SLC4A10: variants seen among roughly 807,000 people sequenced by gnomAD.
SLC4A10 encodes the protein solute carrier family 4 member 10.
A neutral mutation model predicts 137.7 loss-of-function variants in SLC4A10; 42 were observed. The observed-to-expected ratio is 0.30, with a 90% CI of 0.24 to 0.39. The LOEUF is 0.39. Among genes scored for constraint, SLC4A10 ranks in the 10% least tolerant of loss-of-function variants. The pLI, the probability that SLC4A10 is intolerant of heterozygous loss-of-function variation, is 1.00. For missense variants in SLC4A10, 925 were observed against 1,355.0 expected (o/e 0.68, Z 4.98); for synonymous variants, 474 against 464.1 (o/e 1.02, Z -0.27).
At chr2:161,939,109 C>G (rs1692169256) in intron 15 of SLC4A10, among the ~76,000 whole-genome samples, 1 of 152,064 alleles carries the variant, frequency 6.6e-6, no homozygotes, top group Non-Finnish European at 1.5e-5. Context: ...ACCAGTCTCG[C>G]TCTGTCGCCA....
intron 10 of SLC4A10, among the ~76,000 whole-genome samples, chr2:161,885,164 C>T (rs1274669425): frequency 2.0e-5 from 3 of 151,056 alleles, no homozygotes; most frequent in South Asian, 4.2e-4. Context: ...GGTGATGGAG[C>T]GAGACTCTGT....
At chr2:161,684,637 C>G (rs1490243062) in intron 1 of SLC4A10, among the ~76,000 whole-genome samples, 5 of 152,138 alleles carry the variant, frequency 3.3e-5, no homozygotes, top group Admixed American at 1.3e-4. Flanking sequence ...TTTTGTCTCA[C>G]TTTCCTCAAC....
chr2:161,865,489 T>C (rs549172576), intron 6 of SLC4A10, among the ~76,000 whole-genome samples: 6 of 152,038 alleles, frequency 3.9e-5, no homozygotes, highest in Non-Finnish European at 8.8e-5. Context: ...CAATAAAAAC[T>C]TGGAAACATT....
At chr2:161,762,882 T>C (rs1033815037) in intron 1 of SLC4A10, among the ~76,000 whole-genome samples, 36 of 152,162 alleles carry the variant, frequency 2.4e-4, no homozygotes, top group African/African-American at 8.2e-4. Flanking sequence ...TCTTAGGTCA[T>C]GTTTATAAAA....
chr2:161,642,762 C>T (rs546594499), intron 1 of SLC4A10, among the ~76,000 whole-genome samples: 11 of 151,986 alleles, frequency 7.2e-5, no homozygotes, highest in South Asian at 2.1e-4. Flanking sequence ...CTGCTTTGAT[C>T]GTAATATCTT....
At chr2:161,881,168 G>A (rs1161417740) in intron 9 of SLC4A10, among the ~76,000 whole-genome samples, 2 of 151,940 alleles carry the variant, frequency 1.3e-5, no homozygotes, top group African/African-American at 4.8e-5. Flanking sequence ...AAGACAAAAG[G>A]CATCCTATTA....
intron 1 of SLC4A10, among the ~76,000 whole-genome samples, chr2:161,726,642 C>A (rs2046254202): frequency 6.6e-6 from 1 of 152,214 alleles, no homozygotes; most frequent in African/African-American, 2.4e-5. Context: ...GGTGCGGTGG[C>A]TCACACCTGT....
chr2:161,749,392 A>G (rs751367698), intron 1 of SLC4A10, among the ~76,000 whole-genome samples: 10 of 152,010 alleles, frequency 6.6e-5, no homozygotes, highest in Non-Finnish European at 1.5e-4. Context: ...GTTGATTATG[A>G]TGTTAATTGT....
At chr2:161,702,376 A>T (rs2043215535) in intron 1 of SLC4A10, among the ~76,000 whole-genome samples, 1 of 151,930 alleles carries the variant, frequency 6.6e-6, no homozygotes, top group African/African-American at 2.4e-5. Flanking sequence ...TTAAACAATG[A>T]AAACTTTTAA....
At chr2:161,954,458 C>T (rs930305662) in intron 19 of SLC4A10, among the ~76,000 whole-genome samples, 10 of 152,076 alleles carry the variant, frequency 6.6e-5, no homozygotes, top group African/African-American at 2.4e-4. Context: ...AAAGCTCTAG[C>T]TCTGTCTTTA....
rs71009340 is a variant in SLC4A10, at chr2:161,776,856, G to GGTGTGTGT, written c.130+5831_130+5838dup. 8.0e-3 allele frequency among the ~76,000 whole-genome samples: 1,141 copies of GGTGTGTGT among 143,208 alleles called. 12 individuals carry two copies. Among genetic ancestry groups the GGTGTGTGT allele is most frequent in the African/African-American group, 0.026 (1,028 of 39,112 alleles). 94.0% of individuals were successfully genotyped at this position (143,208 alleles called of 152,430 possible). A position where few individuals can be genotyped will look rare whatever the true frequency, so the allele number is the denominator to read the frequency against. On this transcript the variant is annotated intron_variant, in intron 2 of 26. Transcript: ENST00000446997. ...ACATCCTTGCCAACACTTATTTTCTGGTGTGTGTGTGTGTGTGTGTGTGTG... is the reference window on the plus strand; with the variant it reads ...ACATCCTTGCCAACACTTATTTTCTGGTGTGTGTGTGTGTGTGTGTGTGTGTGTGTGTG...
rs576686140 is a variant in SLC4A10 at position 161,633,778 on chromosome 2, T to C, written c.48+9212T>C. Among the ~76,000 whole-genome samples, 20 of 151,926 alleles carry C rather than the reference T, an allele frequency of 1.3e-4. No homozygotes were observed. In the South Asian group the frequency reaches 3.1e-3, roughly 24 times the overall value. ...CAGTAATATAGAAGTATGTCAATGA[T>C]ATAAATTGATAATTATAATACAGTA... On this transcript the variant is annotated intron_variant, in intron 1 of 26. Coordinates refer to ENST00000446997, the MANE Select transcript of SLC4A10 (RefSeq NM_001178015.2).
intron 1 of SLC4A10, among the ~76,000 whole-genome samples, chr2:161,759,698 C>T (rs2050039861): frequency 1.3e-5 from 2 of 151,674 alleles, no homozygotes; most frequent in African/African-American, 2.4e-5. Flanking sequence ...AAATTAAGTT[C>T]TTTAAAAAAA....
At chr2:161,708,194 A>G (rs1270935066) in intron 1 of SLC4A10, among the ~76,000 whole-genome samples, 1 of 151,582 alleles carries the variant, frequency 6.6e-6, no homozygotes, top group Non-Finnish European at 1.5e-5. Context: ...TTAGGCACTC[A>G]TCATTTTGAT....
intron 1 of SLC4A10, among the ~76,000 whole-genome samples, chr2:161,625,257 G>A (rs17225644): frequency 6.6e-6 from 1 of 151,844 alleles, no homozygotes; most frequent in African/African-American, 2.4e-5. Flanking sequence ...TTTACCTCTG[G>A]GTTCTTAAGC....
rs770704286 is a variant in SLC4A10, at chr2:161,767,094, CATATATATATATATATATATATATATAT to C, written c.49-3860_49-3833del. 2.5e-3 allele frequency among the ~76,000 whole-genome samples: 100 copies of C among 40,148 alleles called. 4 individuals are homozygous for C. The highest frequency in any genetic ancestry group is 0.019 in the Middle Eastern group (1 of 54). 26.3% of individuals were successfully genotyped at this position (40,148 alleles called of 152,430 possible). ...AAGGTTATGTTAAAGAATTAAGAAGCATATATATATATATATATATATATATATATATATATATATATATATGTGTGTG... is the reference window on the plus strand; with the variant it reads ...AAGGTTATGTTAAAGAATTAAGAAGCATATATATATATATATATGTGTGTG... On this transcript the variant is annotated intron_variant, in intron 1 of 26. Coordinates refer to ENST00000446997, the MANE Select transcript of SLC4A10 (RefSeq NM_001178015.2).
intron 21 of SLC4A10, among the ~76,000 whole-genome samples, chr2:161,962,070 A>G (rs1164174540): frequency 1.3e-5 from 2 of 152,242 alleles, no homozygotes; most frequent in Non-Finnish European, 2.9e-5. Flanking sequence ...GATGATGATT[A>G]TTATTTAAAC....
chr2:161,881,461 T>C (rs573148773), intron 9 of SLC4A10, among the ~76,000 whole-genome samples: 1 of 152,064 alleles, frequency 6.6e-6, no homozygotes, highest in Non-Finnish European at 1.5e-5. Context: ...ATTTGCCTCA[T>C]GTAAAAACAT....
chr2:161,732,075 A>T (rs1394961941), intron 1 of SLC4A10, among the ~76,000 whole-genome samples: 4 of 152,200 alleles, frequency 2.6e-5, no homozygotes, highest in Non-Finnish European at 2.9e-5. Flanking sequence ...CCCTCTCCAG[A>T]TGCAGTGCTC....
Sources: gnomAD v4.1 joint callset for allele counts (sites outside exome capture counted in the v4.1 genomes callset) on GRCh38, gnomAD v4.1.1 for gene constraint, MANE v1.5 for transcripts, NCBI Gene and HGNC (gene_info 2026-07-23, HGNC 2026-07-21) for gene names.